Variants in UBASH3B observed in about 807,000 individuals in gnomAD.
UBASH3B encodes ubiquitin-associated and SH3 domain-containing protein B.
In UBASH3B, 37 loss-of-function variants were observed where a neutral mutation model predicts 83.4. The ratio of observed to expected loss-of-function variants is 0.44; its 90% CI spans 0.34 to 0.58. The LOEUF is 0.58. UBASH3B is among the 20% of genes least tolerant of loss of function. The pLI, the probability that UBASH3B is intolerant of heterozygous loss-of-function variation, is 0.01. For synonymous variants in UBASH3B, 304 were observed against 318.3 expected (o/e 0.96, Z 0.48); for missense variants, 657 against 827.2 (o/e 0.79, Z 2.52).
chr11:122,784,227 C>A (rs1169435269), intron 5 of UBASH3B, among the ~76,000 whole-genome samples: 1 of 152,150 alleles, frequency 6.6e-6, no homozygotes, highest in Non-Finnish European at 1.5e-5. Flanking sequence ...AGCCGCAGCA[C>A]CTGGCCAATA....
chr11:122,657,783 T>TTA (rs1445511491), intron 1 of UBASH3B, among the ~76,000 whole-genome samples: 1 of 152,190 alleles, frequency 6.6e-6, no homozygotes, highest in Non-Finnish European at 1.5e-5. Context: ...AGGGCTCCAG[T>TTA]TCCTGATACC....
intron 11 of UBASH3B, among the ~76,000 whole-genome samples, chr11:122,804,232 A>G (rs73617937): frequency 6.6e-6 from 1 of 152,054 alleles, no homozygotes; most frequent in South Asian, 2.1e-4. Flanking sequence ...ATGGGGACAG[A>G]AAAAGAGGAG....
Position 122,656,222 on chromosome 11 carries a change from G to A in UBASH3B, c.161+12G>A. ...CCCAGAGCCCGCGCGTAAGTGGCCG[G>A]GCTCGCAGCCCTCGGCGACCCCTCC... On this transcript the variant is annotated intron_variant, in intron 1 of 13. Transcript: ENST00000284273. The A allele has an allele frequency of 1.4e-6, 2 of 1,434,132 alleles. No individual in the cohort carries two copies. Among genetic ancestry groups the A allele is most frequent in the Non-Finnish European group, 1.8e-6 (2 of 1,086,190 alleles). 88.8% of individuals were successfully genotyped at this position (1,434,132 alleles called of 1,614,324 possible). A position where few individuals can be genotyped will look rare whatever the true frequency, so the allele number is the denominator to read the frequency against.
At chr11:122,757,092 C>A (rs1861293768) in intron 1 of UBASH3B, among the ~76,000 whole-genome samples, 1 of 152,208 alleles carries the variant, frequency 6.6e-6, no homozygotes, top group African/African-American at 2.4e-5. Flanking sequence ...AAATCAGAAC[C>A]TAAGTATCTT....
chr11:122,689,508 G>T (rs562645979), intron 1 of UBASH3B, among the ~76,000 whole-genome samples: 4 of 152,184 alleles, frequency 2.6e-5, no homozygotes, highest in Non-Finnish European at 4.4e-5. Flanking sequence ...TCTCAAACTG[G>T]GTTTTTCCTC....
intron 10 of UBASH3B, among the ~76,000 whole-genome samples, chr11:122,800,383 C>CAAA (rs540359065): frequency 5.3e-4 from 41 of 76,662 alleles, no homozygotes; most frequent in South Asian, 1.3e-3. Context: ...ACTAAAAATA[C>CAAA]AAAAAAAAAA....
intron 5 of UBASH3B, among the ~76,000 whole-genome samples, chr11:122,783,460 T>TC (rs1860893475): frequency 6.6e-6 from 1 of 151,780 alleles, no homozygotes; most frequent in South Asian, 2.1e-4. Flanking sequence ...CCTAGTTCTG[T>TC]CTCCCCTGCC....
At chr11:122,750,611 C>T (rs1374417068) in intron 1 of UBASH3B, among the ~76,000 whole-genome samples, 5 of 152,158 alleles carry the variant, frequency 3.3e-5, no homozygotes, top group African/African-American at 4.8e-5. Context: ...AAGTTAAGAA[C>T]CCAGATACTG....
chr11:122,789,629 C>T (rs1261193877), intron 6 of UBASH3B, among the ~76,000 whole-genome samples: 1 of 152,154 alleles, frequency 6.6e-6, no homozygotes, highest in Non-Finnish European at 1.5e-5. Flanking sequence ...GGCTTCTGTC[C>T]ACCTTATCCT....
chr11:122,722,648 A>T (rs370886525), intron 1 of UBASH3B, among the ~76,000 whole-genome samples: 29 of 152,062 alleles, frequency 1.9e-4, no homozygotes, highest in African/African-American at 5.1e-4. Flanking sequence ...GAAATTCTTC[A>T]CATGAAAGTC....
At chr11:122,688,629 TA>T (rs1159668173) in intron 1 of UBASH3B, among the ~76,000 whole-genome samples, 1 of 82,582 alleles carries the variant, frequency 1.2e-5, no homozygotes, top group African/African-American at 3.1e-5. Context: ...TTCTTTCTTT[TA>T]TTTTATTTTA....
intron 1 of UBASH3B, among the ~76,000 whole-genome samples, chr11:122,753,685 G>A (rs1220435173): frequency 6.6e-6 from 1 of 151,616 alleles, no homozygotes; most frequent in Non-Finnish European, 1.5e-5. Flanking sequence ...AGTAGAGACG[G>A]GATTTCTCCA....
At chr11:122,805,486 C>G (rs1279139355) in intron 11 of UBASH3B, among the ~76,000 whole-genome samples, 2 of 152,040 alleles carry the variant, frequency 1.3e-5, no homozygotes, top group Non-Finnish European at 1.5e-5. Flanking sequence ...GAGTCGAGAT[C>G]GAGCCATTGC....
At chr11:122,746,399 C>T (rs535369265) in intron 1 of UBASH3B, among the ~76,000 whole-genome samples, 27 of 152,302 alleles carry the variant, frequency 1.8e-4, no homozygotes, top group South Asian at 1.7e-3. Flanking sequence ...CAAACTCAAA[C>T]CACTGTATTG....
At chr11:122,747,769 T>C (rs911977230) in intron 1 of UBASH3B, among the ~76,000 whole-genome samples, 5 of 152,128 alleles carry the variant, frequency 3.3e-5, no homozygotes, top group Non-Finnish European at 1.5e-5. Context: ...GATGCCAAAG[T>C]TTAAGTAAGC....
At chr11:122,727,966 T>G (rs1319140996) in intron 1 of UBASH3B, among the ~76,000 whole-genome samples, 1 of 151,846 alleles carries the variant, frequency 6.6e-6, no homozygotes, top group African/African-American at 2.4e-5. Flanking sequence ...CTGGGGACCT[T>G]CTCCTGCCCT....
At chr11:122,666,773 C>T (rs974577927) in intron 1 of UBASH3B, among the ~76,000 whole-genome samples, 21 of 151,924 alleles carry the variant, frequency 1.4e-4, no homozygotes, top group Non-Finnish European at 1.5e-5. Flanking sequence ...ATTTTTTTCC[C>T]CTCTTTTTTC....
intron 6 of UBASH3B, among the ~76,000 whole-genome samples, chr11:122,794,150 A>G (rs1861109375): frequency 6.6e-6 from 1 of 152,208 alleles, no homozygotes; most frequent in Non-Finnish European, 1.5e-5. Context: ...AGGAATGAAT[A>G]TATCTGTCCT....
At chr11:122,713,308 C>T (rs1486142536) in intron 1 of UBASH3B, among the ~76,000 whole-genome samples, 7 of 152,150 alleles carry the variant, frequency 4.6e-5, no homozygotes, top group Middle Eastern at 3.4e-3. Context: ...AATAGCCACA[C>T]GACGAAGAGA....
Sources: gnomAD v4.1 joint callset for allele counts (sites outside exome capture counted in the v4.1 genomes callset) on GRCh38, gnomAD v4.1.1 for gene constraint, MANE v1.5 for transcripts, NCBI Gene and HGNC (gene_info 2026-07-23, HGNC 2026-07-21) for gene names.